Variants in ENOX1 observed in about 807,000 individuals in gnomAD.
ENOX1 encodes candidate growth-related and time keeping constitutive hydroquinone (NADH) oxidase.
ENOX1 carries 42 observed loss-of-function variants against 82.5 expected under a neutral mutation model. The observed-to-expected ratio is 0.51, with a 90% CI of 0.40 to 0.66. ENOX1 has a LOEUF of 0.66. Ranked by LOEUF, ENOX1 falls within the 30% of genes least tolerant of loss-of-function variation. ENOX1 has a pLI of 0.00. For synonymous variants in ENOX1, 271 were observed against 282.2 expected, an observed-to-expected ratio of 0.96 and a Z score of 0.40; for missense variants, 608 against 811.6, an observed-to-expected ratio of 0.75 and a Z score of 3.05.
chr13:43,453,087 T>A (rs2057051208), intron 3 of ENOX1, among the ~76,000 whole-genome samples: 1 of 152,228 alleles, frequency 6.6e-6, no homozygotes, highest in South Asian at 2.1e-4. Flanking sequence ...GTGGACTTCC[T>A]TTTTTATTTT....
At chr13:43,631,979 T>C (rs1401116527) in intron 2 of ENOX1, among the ~76,000 whole-genome samples, 2 of 152,228 alleles carry the variant, frequency 1.3e-5, no homozygotes, top group Non-Finnish European at 2.9e-5. Context: ...AAAGAAGCAT[T>C]CATCTGTCAC....
intron 10 of ENOX1, among the ~76,000 whole-genome samples, chr13:43,324,779 C>T (rs889980711): frequency 9.2e-5 from 14 of 152,110 alleles, no homozygotes; most frequent in African/African-American, 2.4e-4. Context: ...AGCCTTCACA[C>T]GTCCTGCTCC....
chr13:43,254,172 C>A (rs746894281), intron 14 of ENOX1, among the ~76,000 whole-genome samples: 4 of 152,094 alleles, frequency 2.6e-5, no homozygotes, highest in South Asian at 2.1e-4. Flanking sequence ...CATTTGGGTA[C>A]GGATGGCCAT....
intron 2 of ENOX1, among the ~76,000 whole-genome samples, chr13:43,501,272 T>C (rs1366580566): frequency 2.0e-5 from 3 of 151,686 alleles, no homozygotes; most frequent in Non-Finnish European, 3.0e-5. Flanking sequence ...ACAAAGATCA[T>C]TATATAGGGG....
At chr13:43,666,275 C>T (rs2084974086) in intron 2 of ENOX1, among the ~76,000 whole-genome samples, 1 of 152,062 alleles carries the variant, frequency 6.6e-6, no homozygotes, top group Admixed American at 6.6e-5. Flanking sequence ...TTGAGGTATG[C>T]CTGTACCCCT....
chr13:43,621,622 C>G lies in ENOX1; in HGVS notation c.-219+45857G>C, dbSNP rs191430434. Among the ~76,000 whole-genome samples, 612 of 152,344 alleles carry G rather than the reference C, an allele frequency of 4.0e-3. 2 individuals carry two copies. The highest frequency in any genetic ancestry group is 0.014 in the African/African-American group (586 of 41,584). ...TGTAAGGTTTCTGCTGAGAAATCTG[C>G]TGTTAATCTGATAGGTTTTCCTTTA... On this transcript the variant is annotated intron_variant, in intron 2 of 16. Coordinates refer to ENST00000690772, the MANE Select transcript of ENOX1 (RefSeq NM_001347969.2).
Position 43,329,156 on chromosome 13 carries a change from T to C in ENOX1, c.1037-2631A>G, listed in dbSNP as rs746805. On this transcript the variant is annotated intron_variant, in intron 9 of 16. Coordinates refer to ENST00000690772, the MANE Select transcript of ENOX1 (RefSeq NM_001347969.2). ...CTGTTCAAAGGCTGGTATAGAGTTGTGGGAGGATGAGTGAAAGTAGCTGTG... is the reference window on the plus strand; with the variant it reads ...CTGTTCAAAGGCTGGTATAGAGTTGCGGGAGGATGAGTGAAAGTAGCTGTG... Among the ~76,000 whole-genome samples the C allele has an allele frequency of 3.7e-3, 562 of 152,238 alleles. 16 individuals are homozygous for C. The South Asian group carries it at 0.05, about 13-fold the overall frequency.
At chr13:43,525,276 T>C (rs2153685007) in intron 2 of ENOX1, among the ~76,000 whole-genome samples, 1 of 152,230 alleles carries the variant, frequency 6.6e-6, no homozygotes, top group Middle Eastern at 3.4e-3. Flanking sequence ...TTCTTCCTTC[T>C]CTAGCCCCTG....
intron 2 of ENOX1, among the ~76,000 whole-genome samples, chr13:43,512,607 A>C (rs1268443496): frequency 2.1e-5 from 3 of 144,308 alleles, no homozygotes. Flanking sequence ...TTCCAAAACC[A>C]ATGTGTGTGG....
chr13:43,739,737 G>A (rs1013358151), intron 1 of ENOX1, among the ~76,000 whole-genome samples: 1 of 151,882 alleles, frequency 6.6e-6, no homozygotes, highest in Admixed American at 6.6e-5. Flanking sequence ...TCTAAAGAAG[G>A]TGAGGGAGGA....
Position 43,775,528 on chromosome 13 carries a change from T to C in ENOX1, c.-285+11124A>G, listed in dbSNP as rs75391395. Among the ~76,000 whole-genome samples, 1,360 of 152,330 alleles carry C rather than the reference T, an allele frequency of 8.9e-3. 21 individuals are homozygous for C. Among genetic ancestry groups the C allele is most frequent in the African/African-American group, 0.031 (1,288 of 41,572 alleles). Reference sequence around the variant, plus strand: ...CAGGTCAGTAGACCTGGTGGTGATCTGCATGGCTACTAATTTTAAGATTAT... The same window carrying C: ...CAGGTCAGTAGACCTGGTGGTGATCCGCATGGCTACTAATTTTAAGATTAT... On this transcript the variant is annotated intron_variant, in intron 1 of 16. Coordinates refer to ENST00000690772, the MANE Select transcript of ENOX1 (RefSeq NM_001347969.2).
chr13:43,422,205 C>T (rs2055019054), intron 3 of ENOX1, among the ~76,000 whole-genome samples: 3 of 152,270 alleles, frequency 2.0e-5, no homozygotes, highest in South Asian at 4.1e-4. Context: ...TAAGATTCCA[C>T]ACCTCCCTGG....
At chr13:43,509,886 T>C (rs1021577512) in intron 2 of ENOX1, among the ~76,000 whole-genome samples, 3 of 151,742 alleles carry the variant, frequency 2.0e-5, no homozygotes, top group African/African-American at 7.3e-5. Flanking sequence ...CACCCTTTCC[T>C]GAAAGAGAAT....
rs55919280 is a variant in ENOX1, at chr13:43,684,095, C to CAA, written c.-284-16553_-284-16552dup. Among the ~76,000 whole-genome samples, 1,019 of 106,426 alleles carry CAA rather than the reference C, an allele frequency of 9.6e-3. 36 individuals carry two copies. Among genetic ancestry groups the CAA allele is most frequent in the African/African-American group, 0.037 (956 of 25,972 alleles). The allele number at this position is 106,426 out of a possible 152,430, so 69.8% of individuals were successfully genotyped here. On this transcript the variant is annotated intron_variant, in intron 1 of 16. Coordinates refer to ENST00000690772, the MANE Select transcript of ENOX1 (RefSeq NM_001347969.2). ...TGGGCGAAAGAGCGAGACTCTGTCT[C>CAA]AAAAAAAAAAAAAAAAAATGTAACC...
At chr13:43,543,381 T>C (rs975563859) in intron 2 of ENOX1, among the ~76,000 whole-genome samples, 4 of 152,154 alleles carry the variant, frequency 2.6e-5, no homozygotes, top group Admixed American at 6.5e-5. Context: ...CTGTATGTAA[T>C]AGAGGTAACA....
intron 14 of ENOX1, among the ~76,000 whole-genome samples, chr13:43,245,688 C>T (rs115596899): frequency 6.4e-4 from 98 of 152,274 alleles, no homozygotes; most frequent in African/African-American, 2.3e-3. Context: ...CTGCCCTTTC[C>T]CAGCAGCCTT....
intron 15 of ENOX1, among the ~76,000 whole-genome samples, chr13:43,229,726 T>G (rs2042190504): frequency 6.6e-6 from 1 of 152,060 alleles, no homozygotes; most frequent in Admixed American, 6.5e-5. Flanking sequence ...TGATCTGGAC[T>G]GCAAAGGGAG....
chr13:43,776,302 C>G (rs969350096), intron 1 of ENOX1, among the ~76,000 whole-genome samples: 3 of 152,106 alleles, frequency 2.0e-5, no homozygotes, highest in Non-Finnish European at 4.4e-5. Context: ...GCCAAGTTGA[C>G]AAACATGTAT....
chr13:43,673,260 A>T (rs2085354663), intron 1 of ENOX1, among the ~76,000 whole-genome samples: 1 of 152,056 alleles, frequency 6.6e-6, no homozygotes, highest in African/African-American at 2.4e-5. Flanking sequence ...ATGCTTACAA[A>T]ACAAGATCTA....
Sources: gnomAD v4.1 joint callset for allele counts (sites outside exome capture counted in the v4.1 genomes callset) on GRCh38, gnomAD v4.1.1 for gene constraint, MANE v1.5 for transcripts, NCBI Gene and HGNC (gene_info 2026-07-23, HGNC 2026-07-21) for gene names.